The following CLEC2A variants were observed in gnomAD, a reference collection of about 807,000 sequenced individuals.
CLEC2A encodes keratinocyte-associated C-type lectin.
CLEC2A carries 19 observed loss-of-function variants against 18.6 expected under a neutral mutation model. That is an observed-to-expected ratio of 1.02 (90% CI 0.71 to 1.50). CLEC2A has a LOEUF of 1.50. Among genes scored for constraint, CLEC2A ranks in the 40% most tolerant of loss-of-function variants. CLEC2A has a pLI of 0.00. For missense variants in CLEC2A, 190 were observed against 207.9 expected, an observed-to-expected ratio of 0.91 and a Z score of 0.53; for synonymous variants, 74 against 64.0, an observed-to-expected ratio of 1.16 and a Z score of -0.75.
chr12:9,890,219 C>A, the CLEC2A span, among the ~76,000 whole-genome samples: 7 of 152,174 alleles, frequency 4.6e-5, no homozygotes, highest in African/African-American at 1.7e-4. Context: ...ATAACTCCTG[C>A]ATTTGTTTTT....
In CLEC2A at chr12:9,913,644, C is replaced by T. The variant is rs1732643190; in HGVS notation, c.447G>A (p.Leu149=). 3 of 1,549,422 alleles carry T rather than the reference C, an allele frequency of 1.9e-6. No homozygotes were observed. In the South Asian group the frequency reaches 3.6e-5, roughly 18 times the overall value. ...TGGAACTATGGACTCCATCAGCACT[C>T]AAGAAAGCAAAGGATCCGTTCCCTA... ...EIIGNGSFAF[L]SADGVHSSRG... is the part of the protein sequence containing the mutation. The change falls in exon 5 of 5, where the codon TTG becomes TTA. Residue 149 remains leucine (L), a synonymous_variant. Transcript: ENST00000455827.
downstream of CLEC2A, among the ~76,000 whole-genome samples, chr12:9,895,185 G>A (rs760912872): frequency 6.6e-6 from 1 of 152,180 alleles, no homozygotes; most frequent in Non-Finnish European, 1.5e-5. Flanking sequence ...CATCATTATA[G>A]CATACCTATC....
At chr12:9,892,977 T>C in the CLEC2A span, 1 of 1,439,282 alleles carries the variant, frequency 6.9e-7, no homozygotes, top group Non-Finnish European at 9.4e-7. Flanking sequence ...TCTTCCCTGT[T>C]GGCTGTAAAG....
chr12:9,898,422 C>T (rs1294578236), downstream of CLEC2A, among the ~76,000 whole-genome samples: 1 of 152,074 alleles, frequency 6.6e-6, no homozygotes, highest in Non-Finnish European at 1.5e-5. Context: ...TTTTTCCTGC[C>T]TTCCCTGGTA....
At chr12:9,895,772 C>T (rs144931415), downstream of CLEC2A, 8 of 1,535,730 alleles carry the variant, frequency 5.2e-6, no homozygotes, top group Non-Finnish European at 7.0e-6. Flanking sequence ...TGTAGCTCCA[C>T]ATTTAAGGGC....
chr12:9,906,025 G>GTTTT (rs57802045), intron 4 of CLEC2A, among the ~76,000 whole-genome samples: 2 of 146,620 alleles, frequency 1.4e-5, no homozygotes, highest in East Asian at 2.0e-4. Context: ...TATTAGTTTT[G>GTTTT]TTTTTTTTTT....
At chr12:9,882,320 G>A in the CLEC2A span, among the ~76,000 whole-genome samples, 1 of 152,088 alleles carries the variant, frequency 6.6e-6, no homozygotes, top group African/African-American at 2.4e-5. Context: ...TTTATATCTA[G>A]CAAATGCAAA....
intron 4 of CLEC2A, among the ~76,000 whole-genome samples, chr12:9,902,011 T>G (rs972718654): frequency 6.6e-5 from 10 of 152,186 alleles, no homozygotes; most frequent in Admixed American, 2.6e-4. Flanking sequence ...CCTTCAGCTT[T>G]TTCCTATTTT....
chr12:9,920,380 G>GA (rs1863148821), intron 3 of CLEC2A, among the ~76,000 whole-genome samples: 1 of 152,178 alleles, frequency 6.6e-6, no homozygotes, highest in Non-Finnish European at 1.5e-5. Flanking sequence ...GTGTCAGACT[G>GA]AAGGCCCCGG....
At chr12:9,882,266 G>T in the CLEC2A span, among the ~76,000 whole-genome samples, 1 of 152,124 alleles carries the variant, frequency 6.6e-6, no homozygotes, top group Non-Finnish European at 1.5e-5. Context: ...AGTCGCAGTG[G>T]CAGTTCTGCC....
At chr12:9,899,974 A>G (rs1003458049) in intron 4 of CLEC2A, among the ~76,000 whole-genome samples, 1 of 152,190 alleles carries the variant, frequency 6.6e-6, no homozygotes, top group Non-Finnish European at 1.5e-5. Context: ...ACTCCTTATC[A>G]TAAGTTAAAT....
the CLEC2A span, among the ~76,000 whole-genome samples, chr12:9,891,380 G>A: frequency 2.0e-5 from 3 of 152,292 alleles, no homozygotes; most frequent in African/African-American, 7.2e-5. Flanking sequence ...CTTTTGGACA[G>A]TAAGTGTCCA....
At position 9,913,610 on chromosome 12, in the gene CLEC2A, T is replaced by C. The variant is rs1331195187; in HGVS notation, c.481A>G (p.Ile161Val). Residue 161 changes from isoleucine to valine, a missense_variant, in exon 5 of 5, where the codon ATT (isoleucine) becomes GTT (valine). By Grantham distance (29) the Ile-to-Val change is conservative. Transcript: ENST00000455827. ...TTGCTGCAAATCCACTTGATATCAA[T>C]AAATCCTCTGGAACTATGGACTCCA... Reference protein sequence around the residue: ...ADGVHSSRGFIDIKWICSKPK... With the variant: ...ADGVHSSRGFVDIKWICSKPK... 1 of 1,550,004 alleles carries C rather than the reference T, an allele frequency of 6.5e-7. No homozygotes were observed. Among genetic ancestry groups the C allele is most frequent in the Admixed American group, 2.0e-5 (1 of 50,912 alleles).
the CLEC2A span, chr12:9,888,854 C>G: frequency 2.1e-4 from 184 of 870,426 alleles, 1 homozygote; most frequent in East Asian, 3.1e-3. Flanking sequence ...TCCTGGCGTT[C>G]ACCCATGTTA....
At chr12:9,917,434 T>G (rs909001132) in intron 3 of CLEC2A, among the ~76,000 whole-genome samples, 5 of 152,210 alleles carry the variant, frequency 3.3e-5, no homozygotes, top group Non-Finnish European at 7.4e-5. Flanking sequence ...AAGTGTTTTA[T>G]GTACATCATT....
At chr12:9,879,234 A>C in the CLEC2A span, among the ~76,000 whole-genome samples, 36 of 152,198 alleles carry the variant, frequency 2.4e-4, no homozygotes, top group African/African-American at 8.4e-4. Flanking sequence ...AATTACATGT[A>C]TGTTGCCCAG....
At chr12:9,900,501 T>G (rs1037832676) in intron 4 of CLEC2A, among the ~76,000 whole-genome samples, 1 of 152,202 alleles carries the variant, frequency 6.6e-6, no homozygotes, top group Non-Finnish European at 1.5e-5. Flanking sequence ...TTGCATAAAG[T>G]GCAGCAAGAA....
At chr12:9,914,251 TAGAA>T (rs1391189755) in intron 4 of CLEC2A, among the ~76,000 whole-genome samples, 4 of 152,172 alleles carry the variant, frequency 2.6e-5, no homozygotes, top group Admixed American at 2.0e-4. Flanking sequence ...TCCTCATGGA[TAGAA>T]AGAATCAATA....
At chr12:9,925,651 T>G (rs547518000) in intron 2 of CLEC2A, among the ~76,000 whole-genome samples, 225 of 71,654 alleles carry the variant, frequency 3.1e-3, no homozygotes, top group Non-Finnish European at 4.6e-3. Context: ...CTGATGTTTA[T>G]GTGGGATTTT....
Sources: allele counts gnomAD v4.1 joint callset (sites outside exome capture counted in the v4.1 genomes callset), GRCh38; gene constraint gnomAD v4.1.1; transcripts MANE v1.5; gene names NCBI Gene and HGNC (gene_info 2026-07-23, HGNC 2026-07-21).